KIAA1958: variants seen among roughly 807,000 people sequenced by gnomAD.
The protein encoded by KIAA1958 is KIAA1958.
Under a neutral mutation model 47.2 loss-of-function variants are expected in KIAA1958, and 14 were observed. That is an observed-to-expected ratio of 0.30 (90% CI 0.20 to 0.46). The LOEUF (loss-of-function observed/expected upper bound fraction) is 0.46. Ranked by LOEUF, KIAA1958 falls within the 20% of genes least tolerant of loss-of-function variation. The pLI is 1.00. For missense variants in KIAA1958, 803 were observed against 909.2 expected, an observed-to-expected ratio of 0.88 and a Z score of 1.50; for synonymous variants, 354 against 353.3, an observed-to-expected ratio of 1.00 and a Z score of -0.02.
intron 2 of KIAA1958, among the ~76,000 whole-genome samples, chr9:112,641,436 C>G (rs1836888950): frequency 6.9e-6 from 1 of 144,950 alleles, no homozygotes; most frequent in South Asian, 2.2e-4. Flanking sequence ...TTTTTTCTGC[C>G]TACCAGAAAA....
At chr9:112,625,205 A>G (rs896028299) in intron 2 of KIAA1958, among the ~76,000 whole-genome samples, 3 of 152,128 alleles carry the variant, frequency 2.0e-5, no homozygotes, top group African/African-American at 4.8e-5. Flanking sequence ...CAGTGGCACA[A>G]TCAAGACTCA....
intron 1 of KIAA1958, among the ~76,000 whole-genome samples, chr9:112,551,123 A>G (rs925470461): frequency 2.6e-5 from 4 of 151,576 alleles, no homozygotes; most frequent in East Asian, 3.9e-4. Flanking sequence ...TAAAATATAT[A>G]TAATATAAAA....
chr9:112,652,575 C>T (rs913286170), intron 3 of KIAA1958, among the ~76,000 whole-genome samples: 5 of 152,220 alleles, frequency 3.3e-5, no homozygotes, highest in African/African-American at 1.2e-4. Flanking sequence ...CAGCTTGGTT[C>T]GCCTGGCACT....
chr9:112,580,837 C>T (rs1046883225), intron 2 of KIAA1958, among the ~76,000 whole-genome samples: 1 of 151,774 alleles, frequency 6.6e-6, no homozygotes, highest in Admixed American at 6.6e-5. Context: ...ATTTTCTTAG[C>T]CATTTCTTAA....
At chr9:112,558,206 A>G (rs1835275728) in intron 1 of KIAA1958, among the ~76,000 whole-genome samples, 1 of 152,122 alleles carries the variant, frequency 6.6e-6, no homozygotes, top group Non-Finnish European at 1.5e-5. Context: ...GCCTGGAGAC[A>G]GAGCGAGACT....
At chr9:112,539,634 A>G (rs1020707724) in intron 1 of KIAA1958, among the ~76,000 whole-genome samples, 3 of 152,030 alleles carry the variant, frequency 2.0e-5, no homozygotes, top group African/African-American at 7.2e-5. Context: ...TGCACAGCCT[A>G]TGAATTTATA....
rs1837288077 is a variant in KIAA1958 at position 112,662,237 on chromosome 9, GA to G, written c.*2169del. On this transcript the variant is annotated 3_prime_UTR_variant, in exon 4 of 4. Coordinates refer to ENST00000337530, the MANE Select transcript of KIAA1958 (RefSeq NM_133465.4). ...GTGAATTATTATAATTAATAATCAG[GA>G]GGGCGAATCTTCAGTGGCATCTGAT... 6.6e-6 allele frequency: 1 copy of G among 152,168 alleles called. No individual in the cohort carries two copies. The highest frequency in any genetic ancestry group is 1.5e-5 in the Non-Finnish European group (1 of 68,044). The allele number at this position is 152,168 out of a possible 1,614,324, so 9.4% of individuals were successfully genotyped here.
rs992965944 is a variant in KIAA1958, at chr9:112,547,225, A to G, written c.-24-26832A>G. Among the ~76,000 whole-genome samples, 50 of 52,854 alleles carry G rather than the reference A, an allele frequency of 9.5e-4. 2 individuals are homozygous for G. The highest frequency in any genetic ancestry group is 7.0e-5 in the Non-Finnish European group (2 of 28,680). 34.7% of individuals were successfully genotyped at this position (52,854 alleles called of 152,430 possible). A position where few individuals can be genotyped will look rare whatever the true frequency, so the allele number is the denominator to read the frequency against. On this transcript the variant is annotated intron_variant, in intron 1 of 3. Transcript: ENST00000337530. Reference sequence around the variant, plus strand: ...AACCCCATCTCTACTAAAAATACCAAAAAATTAGCTGGGAGTGGGGTGCGT... The same window carrying G: ...AACCCCATCTCTACTAAAAATACCAGAAAATTAGCTGGGAGTGGGGTGCGT...
chr9:112,532,371 T>C (rs1360788536), intron 1 of KIAA1958, among the ~76,000 whole-genome samples: 1 of 152,272 alleles, frequency 6.6e-6, no homozygotes, highest in Non-Finnish European at 1.5e-5. Flanking sequence ...CATTTAGAGA[T>C]ACATTCAAAG....
Position 112,574,767 on chromosome 9 carries a change from C to A in KIAA1958, c.687C>A (p.Ser229=), listed in dbSNP as rs1247938649. 2 of 1,613,962 alleles carry A rather than the reference C, an allele frequency of 1.2e-6. No individual in the cohort carries two copies. Among genetic ancestry groups the A allele is most frequent in the South Asian group, 2.2e-5 (2 of 91,052 alleles). ...GAGGAGTAGATGGACCAGCCCTGTC[C>A]TTGACACAGATGGCAAAACCCAAGC... is the stretch of plus-strand genomic sequence containing the variant. ...LTGGVDGPAL[S]LTQMAKPKPQ... Residue 229 remains serine (S), a synonymous_variant, in exon 2 of 4, where the codon TCC becomes TCA. Coordinates refer to ENST00000337530, the MANE Select transcript of KIAA1958 (RefSeq NM_133465.4).
intron 1 of KIAA1958, among the ~76,000 whole-genome samples, chr9:112,565,362 C>T (rs549712778): frequency 1.4e-4 from 21 of 152,320 alleles, no homozygotes; most frequent in African/African-American, 4.3e-4. Context: ...CTTTGGCCTC[C>T]CAAAGTGCTG....
chr9:112,549,324 T>C (rs4979132), intron 1 of KIAA1958, among the ~76,000 whole-genome samples: 145,401 of 152,324 alleles, frequency 0.95, 69,469 homozygotes, highest in African/African-American at 0.99. Flanking sequence ...TTCCCTTGGG[T>C]TTTATAACTC....
At chr9:112,527,716 C>T (rs539462603) in intron 1 of KIAA1958, among the ~76,000 whole-genome samples, 1 of 152,214 alleles carries the variant, frequency 6.6e-6, no homozygotes, top group African/African-American at 2.4e-5. Context: ...GCGGGCAGAT[C>T]TCTTGAGCCC....
intron 1 of KIAA1958, among the ~76,000 whole-genome samples, chr9:112,571,278 T>G (rs1220712216): frequency 6.6e-6 from 1 of 152,216 alleles, no homozygotes; most frequent in Non-Finnish European, 1.5e-5. Flanking sequence ...TGCATTTCCT[T>G]AAACCATACT....
chr9:112,648,833 C>G (rs901701619), intron 3 of KIAA1958, among the ~76,000 whole-genome samples: 2 of 152,120 alleles, frequency 1.3e-5, no homozygotes, highest in Non-Finnish European at 2.9e-5. Flanking sequence ...TGTCTAGCAT[C>G]TAAACAAAAA....
chr9:112,595,443 C>G (rs1836003622), intron 2 of KIAA1958, among the ~76,000 whole-genome samples: 1 of 152,052 alleles, frequency 6.6e-6, no homozygotes, highest in African/African-American at 2.4e-5. Context: ...GGTGGATCAC[C>G]TGAGGTCAGG....
intron 1 of KIAA1958, among the ~76,000 whole-genome samples, chr9:112,558,053 C>T (rs1176170240): frequency 6.6e-6 from 1 of 151,910 alleles, no homozygotes; most frequent in Non-Finnish European, 1.5e-5. Flanking sequence ...GGTGAAACCC[C>T]GTCTCTACTA....
At chr9:112,584,853 G>A (rs190063398) in intron 2 of KIAA1958, among the ~76,000 whole-genome samples, 229 of 152,268 alleles carry the variant, frequency 1.5e-3, no homozygotes, top group Non-Finnish European at 2.7e-3. Context: ...AGAGGGACAG[G>A]GTTGGCGACC....
At chr9:112,645,188 C>T (rs1026715126) in intron 2 of KIAA1958, among the ~76,000 whole-genome samples, 3 of 151,190 alleles carry the variant, frequency 2.0e-5, no homozygotes, top group South Asian at 4.2e-4. Context: ...CCCATGATGG[C>T]ACACAAGACA....
Sources: gnomAD v4.1 joint callset for allele counts (sites outside exome capture counted in the v4.1 genomes callset) on GRCh38, gnomAD v4.1.1 for gene constraint, MANE v1.5 for transcripts, NCBI Gene and HGNC (gene_info 2026-07-23, HGNC 2026-07-21) for gene names.